Variants in CD53 observed in about 807,000 individuals in gnomAD.
The protein encoded by CD53 is CD53 molecule, also known as leukocyte surface antigen CD53.
CD53 carries 20 observed loss-of-function variants against 27.3 expected under a neutral mutation model. The ratio of observed to expected loss-of-function variants is 0.73; its 90% CI spans 0.52 to 1.07. CD53 has a LOEUF of 1.07. CD53 is among the 50% of genes least tolerant of loss of function. CD53 has a pLI of 0.00. For synonymous variants in CD53, 106 were observed against 105.3 expected, an observed-to-expected ratio of 1.01 and a Z score of -0.04; for missense variants, 216 against 264.0, an observed-to-expected ratio of 0.82 and a Z score of 1.26.
intron 1 of CD53, among the ~76,000 whole-genome samples, chr1:110,878,217 T>C (rs1272549263): frequency 6.6e-6 from 1 of 152,206 alleles, no homozygotes; most frequent in Non-Finnish European, 1.5e-5. Flanking sequence ...CAGTGAACTA[T>C]CTATTATGTA....
intron 3 of CD53, among the ~76,000 whole-genome samples, chr1:110,893,083 C>T (rs982210202): frequency 1.3e-5 from 2 of 152,182 alleles, no homozygotes; most frequent in African/African-American, 4.8e-5. Context: ...TGCATGTTCC[C>T]TATCAGGTAC....
Position 110,887,934 on chromosome 1 carries a change from C to G in CD53, c.-17-3458C>G, listed in dbSNP as rs374502140. Among the ~76,000 whole-genome samples the G allele has an allele frequency of 2.6e-4, 40 of 152,208 alleles. No individual in the cohort carries two copies. The East Asian group carries it at 7.3e-3, about 28-fold the overall frequency. ...GAAGTTGTGATTAAATCAAACATCT[C>G]GAAATGGGGTGATTATCCTGGATTA... On this transcript the variant is annotated intron_variant, in intron 1 of 7. Coordinates refer to ENST00000271324, the MANE Select transcript of CD53 (RefSeq NM_000560.4).
chr1:110,892,263 C>A, intron 2 of CD53, 82 bp from the exon 3 acceptor site: 1 of 983,988 alleles, frequency 1.0e-6, no homozygotes, highest in South Asian at 1.3e-5. Context: ...TAAAGTGATT[C>A]TGATCTCAAG....
intron 1 of CD53, among the ~76,000 whole-genome samples, chr1:110,885,250 G>C (rs1195157447): frequency 6.6e-6 from 1 of 152,150 alleles, no homozygotes; most frequent in Non-Finnish European, 1.5e-5. Flanking sequence ...GAACAGTTCA[G>C]TATCTATTAA....
intron 1 of CD53, among the ~76,000 whole-genome samples, chr1:110,887,058 GT>G (rs1656650336): frequency 1.4e-5 from 2 of 146,772 alleles, no homozygotes; most frequent in African/African-American, 5.0e-5. Context: ...CTCTATTTAT[GT>G]TTATTTTATT....
At position 110,875,738 on chromosome 1, in the gene CD53, CAG is replaced by C. The variant is rs796905902; in HGVS notation, c.-18+2491_-18+2492del. Among the ~76,000 whole-genome samples the C allele has an allele frequency of 1.6e-3, 241 of 152,248 alleles. 2 individuals carry two copies. Among genetic ancestry groups the C allele is most frequent in the African/African-American group, 5.5e-3 (228 of 41,560 alleles). Reference sequence around the variant, plus strand: ...AGAGAAAACAGACAGCTATGCAGAGCAGGACTCCAGCATGGCTGCTGGGGCAG... The same window carrying C: ...AGAGAAAACAGACAGCTATGCAGAGCGACTCCAGCATGGCTGCTGGGGCAG... On this transcript the variant is annotated intron_variant, in intron 1 of 7. Coordinates refer to ENST00000271324, the MANE Select transcript of CD53 (RefSeq NM_000560.4).
In CD53 at chr1:110,888,339, A is replaced by T. The variant is rs145740644; in HGVS notation, c.-17-3053A>T. 3.9e-4 allele frequency among the ~76,000 whole-genome samples: 59 copies of T among 152,298 alleles called. No homozygotes were observed. In the East Asian group the frequency reaches 6.2e-3, roughly 16 times the overall value. Reference sequence around the variant, plus strand: ...TCTTTTGTACATTGCGGTGTCCTGTAAACCCTAGCTGCCTTGGTCTCCTCA... The same window carrying T: ...TCTTTTGTACATTGCGGTGTCCTGTTAACCCTAGCTGCCTTGGTCTCCTCA... On this transcript the variant is annotated intron_variant, in intron 1 of 7. Transcript: ENST00000271324.
At chr1:110,875,837 G>C (rs1225542022) in intron 1 of CD53, among the ~76,000 whole-genome samples, 1 of 152,202 alleles carries the variant, frequency 6.6e-6, no homozygotes, top group Non-Finnish European at 1.5e-5. Flanking sequence ...TTTTGGGAAA[G>C]AGAAAGACAT....
chr1:110,880,149 A>G (rs1656299399), intron 1 of CD53: 1 of 152,078 alleles, frequency 6.6e-6, no homozygotes, highest in Non-Finnish European at 1.5e-5. Flanking sequence ...TAGAACCATG[A>G]GTCATGCATC....
chr1:110,879,766 C>G lies in CD53; in HGVS notation c.-18+6518C>G, dbSNP rs937194592. ...ATTTTAAAATAGAGACAGGGTCTCT[C>G]TATGTTGTTCAGGCTGGTCTTAAAC... On this transcript the variant is annotated intron_variant, in intron 1 of 7. Coordinates refer to ENST00000271324, the MANE Select transcript of CD53 (RefSeq NM_000560.4). Among the ~76,000 whole-genome samples the G allele has an allele frequency of 6.1e-4, 93 of 151,956 alleles. 2 individuals carry two copies. The highest frequency in any genetic ancestry group is 6.0e-3 in the Admixed American group (92 of 15,258).
chr1:110,885,107 T>C (rs900554135), intron 1 of CD53, among the ~76,000 whole-genome samples: 1 of 152,222 alleles, frequency 6.6e-6, no homozygotes, highest in African/African-American at 2.4e-5. Context: ...AAGTGAGATT[T>C]CCACTTTACA....
rs201405966 is a variant in CD53 at position 110,885,413 on chromosome 1, C to A, written c.-17-5979C>A. 6.6e-5 allele frequency among the ~76,000 whole-genome samples: 10 copies of A among 152,298 alleles called. No homozygotes were observed. The East Asian group carries it at 1.5e-3, about 24-fold the overall frequency. On this transcript the variant is annotated intron_variant, in intron 1 of 7. Coordinates refer to ENST00000271324, the MANE Select transcript of CD53 (RefSeq NM_000560.4). ...ATTAGCTGGACGTGGTGGCAGGCGC[C>A]TGTAGTCCTAGCCACTCGGGAGGCT... is the stretch of plus-strand genomic sequence containing the variant.
At chr1:110,871,299 G>A (rs1388564197), upstream of CD53, among the ~76,000 whole-genome samples, 1 of 152,198 alleles carries the variant, frequency 6.6e-6, no homozygotes, top group East Asian at 1.9e-4. Flanking sequence ...TGGGGTTGGA[G>A]AGAGGTGGTC....
intron 3 of CD53, 36 bp from the exon 4 acceptor site, chr1:110,894,291 G>C (rs953450486): frequency 6.3e-7 from 1 of 1,583,382 alleles, no homozygotes; most frequent in African/African-American, 1.3e-5. Flanking sequence ...CGAGAATGGG[G>C]ATCAGTGCTG....
Position 110,891,489 on chromosome 1 carries a change from G to T in CD53, c.63+18G>T. 1 of 1,602,452 alleles carries T rather than the reference G, an allele frequency of 6.2e-7. No individual in the cohort carries two copies. Among genetic ancestry groups the T allele is most frequent in the South Asian group, 1.1e-5 (1 of 90,824 alleles). On this transcript the variant is annotated intron_variant, in intron 2 of 7. Transcript: ENST00000271324. ...TCTTTTGGGTAAGTGTATCTCTTCTGAGCACGGTTTAGCTCACCTTTACCC... is the reference window on the plus strand; with the variant it reads ...TCTTTTGGGTAAGTGTATCTCTTCTTAGCACGGTTTAGCTCACCTTTACCC...
rs1159956343 is a variant in CD53 at position 110,894,395 on chromosome 1, A to G, written c.321A>G (p.Glu107=). 3 of 1,612,312 alleles carry G rather than the reference A, an allele frequency of 1.9e-6. No individual in the cohort carries two copies. Among genetic ancestry groups the G allele is most frequent in the Admixed American group, 1.7e-5 (1 of 60,022 alleles). The change falls in exon 4 of 8, where the codon GAA becomes GAG. Residue 107 remains glutamate, a synonymous_variant. Coordinates refer to ENST00000271324, the MANE Select transcript of CD53 (RefSeq NM_000560.4). ...TGGCCATCCTGCTCTTTGTATATGA[A>G]CAGAAGGTAAGTTATAAAGACAACA... ...VTLAILLFVY[E]QKLNEYVAKG...
intron 7 of CD53, among the ~76,000 whole-genome samples, chr1:110,898,232 C>A (rs569105198): frequency 3.9e-5 from 6 of 152,070 alleles, no homozygotes; most frequent in African/African-American, 1.4e-4. Context: ...AAAAAATTAA[C>A]CAGACGTAGT....
At chr1:110,896,548 T>G (rs1303523260) in intron 5 of CD53, 105 bp from the exon 6 acceptor site, 1 of 1,020,274 alleles carries the variant, frequency 9.8e-7, no homozygotes, top group Non-Finnish European at 1.5e-6. Flanking sequence ...TCTGGACTTC[T>G]GCTATAGAGT....
chr1:110,895,573 C>T lies in CD53; in HGVS notation c.423+518C>T, dbSNP rs1029462746. 3.9e-5 allele frequency among the ~76,000 whole-genome samples: 6 copies of T among 152,074 alleles called. No homozygotes were observed. The East Asian group carries it at 1.2e-3, about 29-fold the overall frequency. ...GCACCAGTATAATCTATTTGTGTCT[C>T]GAAACAGTACCACTATGAAAGCACG... On this transcript the variant is annotated intron_variant, in intron 5 of 7. Transcript: ENST00000271324.
Sources: allele counts gnomAD v4.1 joint callset (sites outside exome capture counted in the v4.1 genomes callset), GRCh38; gene constraint gnomAD v4.1.1; transcripts MANE v1.5; gene names NCBI Gene and HGNC (gene_info 2026-07-23, HGNC 2026-07-21).